Variants in MAN2A1 observed in about 807,000 individuals in gnomAD.
The protein encoded by MAN2A1 is alpha-mannosidase 2.
In MAN2A1, 76 loss-of-function variants were observed where a neutral mutation model predicts 142.6. The ratio of observed to expected loss-of-function variants is 0.53; its 90% CI spans 0.44 to 0.65. MAN2A1 has a LOEUF of 0.65. Among genes scored for constraint, MAN2A1 ranks in the 30% least tolerant of loss-of-function variants. The pLI, the probability that MAN2A1 is intolerant of heterozygous loss-of-function variation, is 0.00. For synonymous variants in MAN2A1, 559 were observed against 473.2 expected (o/e 1.18, Z -2.35); for missense variants, 1,311 against 1,365.1 (o/e 0.96, Z 0.62).
intron 1 of MAN2A1, among the ~76,000 whole-genome samples, chr5:109,696,004 A>G (rs1479881275): frequency 1.3e-5 from 2 of 151,994 alleles, no homozygotes; most frequent in Non-Finnish European, 2.9e-5. Flanking sequence ...GGTTTGATGA[A>G]CTCTGTCACT....
intron 4 of MAN2A1, among the ~76,000 whole-genome samples, chr5:109,747,681 A>G (rs2112615967): frequency 6.6e-6 from 1 of 152,310 alleles, no homozygotes; most frequent in Non-Finnish European, 1.5e-5. Flanking sequence ...CTAAAACATT[A>G]TTCTCTAGGG....
chr5:109,741,626 G>A (rs1471737215), intron 4 of MAN2A1, among the ~76,000 whole-genome samples: 2 of 152,156 alleles, frequency 1.3e-5, no homozygotes, highest in Non-Finnish European at 2.9e-5. Context: ...CATTGTCCCT[G>A]AAGAATACCA....
At chr5:109,734,761 T>TA (rs1243250630) in intron 4 of MAN2A1, among the ~76,000 whole-genome samples, 2 of 152,166 alleles carry the variant, frequency 1.3e-5, no homozygotes, top group African/African-American at 4.8e-5. Context: ...TCTGTTCTTT[T>TA]ACGTTTGCTG....
Position 109,798,801 on chromosome 5 carries a change from C to T in MAN2A1, c.1943+9274C>T, listed in dbSNP as rs1166229889. ...GGTTCACACCATTCTCCTGCCTCAG[C>T]CTCCTGAGTAGCTGGGACTACAGGC... On this transcript the variant is annotated intron_variant, in intron 12 of 21. Transcript: ENST00000261483. Among the ~76,000 whole-genome samples the T allele has an allele frequency of 2.0e-5, 3 of 152,282 alleles. No individual in the cohort carries two copies. The East Asian group carries it at 5.8e-4, about 29-fold the overall frequency.
intron 1 of MAN2A1, among the ~76,000 whole-genome samples, chr5:109,704,772 G>A (rs536077846): frequency 4.6e-5 from 7 of 152,258 alleles, no homozygotes; most frequent in Admixed American, 6.5e-5. Context: ...TTACCAAATC[G>A]CAGTTCCTAT....
At chr5:109,767,486 ATTT>A (rs1753023660) in intron 5 of MAN2A1, 46 bp from the exon 6 acceptor site, 1 of 1,493,320 alleles carries the variant, frequency 6.7e-7, no homozygotes. Context: ...ACTTCTTTTT[ATTT>A]CATATATCAA....
chr5:109,847,764 C>G lies in MAN2A1; in HGVS notation c.2950C>G (p.Leu984Val). Residue 984 changes from leucine to valine, a missense_variant, in exon 19 of 22, where the codon CTA (leucine) becomes GTA (valine). Leu to Val is a conservative substitution (Grantham distance 32). Coordinates refer to ENST00000261483, the MANE Select transcript of MAN2A1 (RefSeq NM_002372.4). ...KITANLFRIL[L>V]EKRSAVNTEE... ...TACAGCTAATCTATTTCGAATACTA[C>G]TAGAAAAAAGAAGTGCTGTTAATAC... is the stretch of plus-strand genomic sequence containing the variant. 1 of 1,587,086 alleles carries G rather than the reference C, an allele frequency of 6.3e-7. No individual in the cohort carries two copies. The highest frequency in any genetic ancestry group is 8.6e-7 in the Non-Finnish European group (1 of 1,167,694).
At chr5:109,745,422 G>T (rs919212551) in intron 4 of MAN2A1, among the ~76,000 whole-genome samples, 5 of 152,010 alleles carry the variant, frequency 3.3e-5, no homozygotes, top group Non-Finnish European at 7.4e-5. Flanking sequence ...AACCCTTTGT[G>T]CATATATATC....
At chr5:109,759,528 G>A (rs1024895472) in intron 5 of MAN2A1, among the ~76,000 whole-genome samples, 1 of 152,008 alleles carries the variant, frequency 6.6e-6, no homozygotes, top group Admixed American at 6.6e-5. Flanking sequence ...TTTCAGTTTT[G>A]AGCTATGGTG....
At chr5:109,730,050 T>A (rs68157792) in intron 4 of MAN2A1, among the ~76,000 whole-genome samples, 1 of 152,004 alleles carries the variant, frequency 6.6e-6, no homozygotes, top group Non-Finnish European at 1.5e-5. Context: ...TAGGTCAAAG[T>A]GGCTTAATAG....
In MAN2A1 at chr5:109,729,482, A is replaced by G. The variant is rs777987831; in HGVS notation, c.676A>G (p.Ile226Val). Reference protein sequence around the residue: ...ISYLSKWWDIIDIQKKDAVKS... With the variant: ...ISYLSKWWDIVDIQKKDAVKS... ...TTACCTTTCAAAGTGGTGGGATATT[A>G]TAGATATTCAGAAGAAGGATGCTGT... The change falls in exon 4 of 22, where the codon ATA becomes GTA. Residue 226 changes from isoleucine (I) to valine (V), a missense_variant. Physicochemically the swap from Ile to Val is conservative, Grantham distance 29. Coordinates refer to ENST00000261483, the MANE Select transcript of MAN2A1 (RefSeq NM_002372.4). The G allele has an allele frequency of 1.1e-5, 17 of 1,555,548 alleles. No individual in the cohort carries two copies. Among genetic ancestry groups the G allele is most frequent in the Non-Finnish European group, 1.3e-5 (15 of 1,154,296 alleles).
At chr5:109,770,797 T>A (rs1375161430) in intron 7 of MAN2A1, among the ~76,000 whole-genome samples, 1 of 152,160 alleles carries the variant, frequency 6.6e-6, no homozygotes, top group East Asian at 1.9e-4. Flanking sequence ...TATTACCATC[T>A]CCTTTGCCCT....
intron 16 of MAN2A1, among the ~76,000 whole-genome samples, chr5:109,830,266 G>A (rs1754873583): frequency 6.6e-6 from 1 of 152,204 alleles, no homozygotes. Flanking sequence ...CCTTAGTTTT[G>A]CCTCTAAGCA....
intron 12 of MAN2A1, among the ~76,000 whole-genome samples, chr5:109,802,268 T>G (rs1415659440): frequency 6.6e-6 from 1 of 152,170 alleles, no homozygotes; most frequent in Non-Finnish European, 1.5e-5. Flanking sequence ...TTCAGAATTC[T>G]TTTTAATTTT....
rs6891855 is a variant in MAN2A1 at position 109,795,936 on chromosome 5, A to C, written c.1943+6409A>C. Among the ~76,000 whole-genome samples the C allele has an allele frequency of 5.0e-3, 767 of 152,296 alleles. 7 individuals carry two copies. Among genetic ancestry groups the C allele is most frequent in the African/African-American group, 0.017 (723 of 41,572 alleles). On this transcript the variant is annotated intron_variant, in intron 12 of 21. Transcript: ENST00000261483. ...CCCATGGTAATGTGGCCTTGTAGCT[A>C]ACAGGCTGTTAGCTAGCAGGCCAAT...
chr5:109,699,278 C>G (rs752351533), intron 1 of MAN2A1, among the ~76,000 whole-genome samples: 4 of 152,120 alleles, frequency 2.6e-5, no homozygotes, highest in Non-Finnish European at 5.9e-5. Context: ...CTTATATCAT[C>G]TACATTTCAT....
chr5:109,806,803 A>G (rs1274580314), intron 12 of MAN2A1, among the ~76,000 whole-genome samples: 1 of 152,224 alleles, frequency 6.6e-6, no homozygotes, highest in East Asian at 1.9e-4. Context: ...TTGATCACAC[A>G]TGCAGCATGC....
chr5:109,774,700 G>T, intron 7 of MAN2A1, 88 bp from the exon 8 acceptor site: 1 of 908,270 alleles, frequency 1.1e-6, no homozygotes, highest in Non-Finnish European at 1.7e-6. Flanking sequence ...TTTTGAATTT[G>T]GTTATTTCCT....
At chr5:109,768,317 A>G (rs56691293) in intron 6 of MAN2A1, among the ~76,000 whole-genome samples, 2,243 of 152,170 alleles carry the variant, frequency 0.015, 62 homozygotes, top group African/African-American at 0.049. Flanking sequence ...CTTATTTTCT[A>G]TTTATTTATC....
Sources: gnomAD v4.1 joint callset for allele counts (sites outside exome capture counted in the v4.1 genomes callset) on GRCh38, gnomAD v4.1.1 for gene constraint, MANE v1.5 for transcripts, NCBI Gene and HGNC (gene_info 2026-07-23, HGNC 2026-07-21) for gene names.